Variants in GLRA2 observed in about 807,000 individuals in gnomAD.
The protein encoded by GLRA2 is glycine receptor alpha 2, also known as glycine receptor subunit alpha-2.
Under a neutral mutation model 31.6 loss-of-function variants are expected in GLRA2, and 11 were observed. That is an observed-to-expected ratio of 0.35 (90% CI 0.22 to 0.58). The LOEUF (loss-of-function observed/expected upper bound fraction) is 0.58. Among genes scored for constraint, GLRA2 ranks in the 20% least tolerant of loss-of-function variants. The pLI, the probability that GLRA2 is intolerant of heterozygous loss-of-function variation, is 0.84. For missense variants in GLRA2, 212 were observed against 351.8 expected (o/e 0.60, Z 3.18); for synonymous variants, 132 against 134.0 (o/e 0.99, Z 0.10).
At chrX:14,707,536 A>T (rs1158536711) in intron 8 of GLRA2, among the ~76,000 whole-genome samples, 7 of 109,091 alleles carry the variant, frequency 6.4e-5, no homozygotes, top group African/African-American at 2.3e-4. Context: ...TGAGCTTAGA[A>T]CCTGATAGGT....
chrX:14,515,327 C>T, the GLRA2 span, among the ~76,000 whole-genome samples: 10 of 111,852 alleles, frequency 8.9e-5, no homozygotes, highest in African/African-American at 3.2e-4. Flanking sequence ...TTAAGTTTCA[C>T]GTTCAGTACA....
chrX:14,466,800 C>A, the GLRA2 span, among the ~76,000 whole-genome samples: 2 of 112,038 alleles, frequency 1.8e-5, no homozygotes, highest in African/African-American at 6.5e-5. Flanking sequence ...TACTTGATTC[C>A]CCTCTTCCCA....
intron 8 of GLRA2, among the ~76,000 whole-genome samples, chrX:14,707,030 A>AACTT (rs2091633242): frequency 1.0e-5 from 1 of 96,947 alleles, no homozygotes; most frequent in Admixed American, 1.1e-4. Flanking sequence ...ATTAAAATAA[A>AACTT]ACTTACAAAA....
At chrX:14,713,744 C>T (rs1383091085) in intron 8 of GLRA2, among the ~76,000 whole-genome samples, 2 of 111,062 alleles carry the variant, frequency 1.8e-5, no homozygotes, top group Admixed American at 1.9e-4. Flanking sequence ...TAGCCCTTTA[C>T]AGAAAATGTT....
chrX:14,506,975 G>C, the GLRA2 span, among the ~76,000 whole-genome samples: 1 of 111,294 alleles, frequency 9.0e-6, no homozygotes, highest in South Asian at 3.8e-4. Context: ...ACCTTAGGAA[G>C]AAAGGACACT....
At chrX:14,659,208 T>G (rs1240235932) in intron 7 of GLRA2, among the ~76,000 whole-genome samples, 3 of 111,930 alleles carry the variant, frequency 2.7e-5, no homozygotes, top group Non-Finnish European at 3.8e-5. Flanking sequence ...AAAGGCAGAG[T>G]TGAGTAGTTC....
chrX:14,521,361 TTC>T, the GLRA2 span, among the ~76,000 whole-genome samples: 1 of 110,248 alleles, frequency 9.1e-6, no homozygotes, highest in Non-Finnish European at 1.9e-5. Context: ...GCAACTTCAT[TTC>T]TCTCTCTCTC....
intron 2 of GLRA2, among the ~76,000 whole-genome samples, chrX:14,565,307 G>GT (rs755079049): frequency 5.7e-4 from 64 of 111,600 alleles, no homozygotes; most frequent in Non-Finnish European, 1.1e-3. Flanking sequence ...GTAACCAAAA[G>GT]AAAGCTGAGG....
At chrX:14,565,273 T>C (rs1191189594) in intron 2 of GLRA2, among the ~76,000 whole-genome samples, 2 of 111,627 alleles carry the variant, frequency 1.8e-5, no homozygotes, top group East Asian at 2.8e-4. Context: ...AGCAGAAGAA[T>C]TGAAAAAGAT....
chrX:14,685,953 C>G (rs1257208123), intron 7 of GLRA2, among the ~76,000 whole-genome samples: 2 of 111,848 alleles, frequency 1.8e-5, no homozygotes, highest in African/African-American at 6.5e-5. Flanking sequence ...GCATTTAGTG[C>G]TATAAATTTC....
At chrX:14,478,935 C>A in the GLRA2 span, among the ~76,000 whole-genome samples, 1 of 111,669 alleles carries the variant, frequency 9.0e-6, no homozygotes, top group Non-Finnish European at 1.9e-5. Flanking sequence ...AATTTGACTC[C>A]ATTTGGCATT....
At chrX:14,531,483 T>A (rs183350565) in intron 1 of GLRA2, among the ~76,000 whole-genome samples, 1 of 111,364 alleles carries the variant, frequency 9.0e-6, no homozygotes, top group Non-Finnish European at 1.9e-5. Context: ...ATCTGAGAAA[T>A]TTTTCACCAA....
At chrX:14,724,134 G>A (rs2091898810) in intron 8 of GLRA2, among the ~76,000 whole-genome samples, 1 of 111,400 alleles carries the variant, frequency 9.0e-6, no homozygotes, top group East Asian at 2.8e-4. Context: ...TGTGTCTTGT[G>A]TGTATATGCA....
chrX:14,507,417 G>T, the GLRA2 span, among the ~76,000 whole-genome samples: 1 of 111,211 alleles, frequency 9.0e-6, no homozygotes, highest in African/African-American at 3.3e-5. Context: ...TGTTTGGCAC[G>T]CTATCTGCCC....
At chrX:14,611,565 G>A (rs1447921653) in intron 7 of GLRA2, among the ~76,000 whole-genome samples, 1 of 112,537 alleles carries the variant, frequency 8.9e-6, no homozygotes, top group Non-Finnish European at 1.9e-5. Flanking sequence ...CATTTGCATA[G>A]GAGTGTTTGT....
intron 2 of GLRA2, among the ~76,000 whole-genome samples, chrX:14,538,193 C>T (rs971523317): frequency 3.0e-4 from 33 of 110,415 alleles, no homozygotes; most frequent in African/African-American, 9.2e-4. Context: ...ATCTAGAAGA[C>T]CTAGGTTCAA....
At chrX:14,725,948 T>C (rs1347061461) in intron 8 of GLRA2, among the ~76,000 whole-genome samples, 1 of 112,434 alleles carries the variant, frequency 8.9e-6, no homozygotes, top group Non-Finnish European at 1.9e-5. Flanking sequence ...ATTTAACTAA[T>C]CAGTGAATAA....
At chrX:14,664,063 CT>C (rs2091017043) in intron 7 of GLRA2, among the ~76,000 whole-genome samples, 1 of 111,380 alleles carries the variant, frequency 9.0e-6, no homozygotes, top group Admixed American at 9.5e-5. Context: ...TTAACTCCTG[CT>C]TTTATCTTTA....
At chrX:14,514,316 T>C in the GLRA2 span, among the ~76,000 whole-genome samples, 9 of 109,521 alleles carry the variant, frequency 8.2e-5, no homozygotes, top group Non-Finnish European at 1.5e-4. Context: ...ACTGCTTGGG[T>C]GACGGGTGCA....
Sources: allele counts gnomAD v4.1 joint callset (sites outside exome capture counted in the v4.1 genomes callset), GRCh38; gene constraint gnomAD v4.1.1; transcripts MANE v1.5; gene names NCBI Gene and HGNC (gene_info 2026-07-23, HGNC 2026-07-21).